ASCC3: variants seen among roughly 807,000 people sequenced by gnomAD.
ASCC3 encodes ASC-1 complex subunit P200.
A neutral mutation model predicts 256.3 loss-of-function variants in ASCC3; 158 were observed. The ratio of observed to expected loss-of-function variants is 0.62; its 90% CI spans 0.54 to 0.70. The LOEUF (loss-of-function observed/expected upper bound fraction) is 0.70, where lower values mean the gene tolerates loss of function less well. ASCC3 is among the 30% of genes least tolerant of loss of function. The pLI, the probability that ASCC3 is intolerant of heterozygous loss-of-function variation, is 0.00. For synonymous variants in ASCC3, 948 were observed against 883.4 expected (o/e 1.07, Z -1.30); for missense variants, 2,259 against 2,626.0 (o/e 0.86, Z 3.05).
At chr6:100,691,307 A>G (rs1371876475) in intron 13 of ASCC3, among the ~76,000 whole-genome samples, 1 of 152,106 alleles carries the variant, frequency 6.6e-6, no homozygotes, top group Non-Finnish European at 1.5e-5. Flanking sequence ...TAGTTTATTA[A>G]GTATAAAATT....
Position 100,606,933 on chromosome 6 carries a change from C to A in ASCC3, c.4923+18G>T, listed in dbSNP as rs777112259. The A allele has an allele frequency of 1.4e-5, 22 of 1,612,904 alleles. No individual in the cohort carries two copies. The highest frequency in any genetic ancestry group is 1.9e-5 in the Non-Finnish European group (22 of 1,179,416). On this transcript the variant is annotated intron_variant, in intron 31 of 41. Coordinates refer to ENST00000369162, the MANE Select transcript of ASCC3 (RefSeq NM_006828.4). ...TAAGTTACATTTAAATATGTGTTCACTGGAGAAAAAAAAGTACCTGAACTT... is the reference window on the plus strand; with the variant it reads ...TAAGTTACATTTAAATATGTGTTCAATGGAGAAAAAAAAGTACCTGAACTT...
chr6:100,529,157 T>C (rs1323322309), intron 37 of ASCC3, among the ~76,000 whole-genome samples: 1 of 152,174 alleles, frequency 6.6e-6, no homozygotes, highest in Non-Finnish European at 1.5e-5. Flanking sequence ...TGTGTGTGTG[T>C]GTGTATGTGT....
intron 8 of ASCC3, among the ~76,000 whole-genome samples, chr6:100,787,098 C>T (rs1003570943): frequency 5.3e-5 from 8 of 152,024 alleles, no homozygotes; most frequent in African/African-American, 1.7e-4. Flanking sequence ...ATCCTTTCCC[C>T]TCAAGCATAG....
intron 4 of ASCC3, among the ~76,000 whole-genome samples, chr6:100,817,319 A>T (rs1770801548): frequency 6.6e-6 from 1 of 151,830 alleles, no homozygotes; most frequent in Non-Finnish European, 1.5e-5. Flanking sequence ...ATGCATATAT[A>T]AAGAAAAAGT....
At chr6:100,625,421 A>G (rs1774178319) in intron 29 of ASCC3, 87 bp from the exon 30 acceptor site, 1 of 1,461,036 alleles carries the variant, frequency 6.8e-7, no homozygotes, top group African/African-American at 1.4e-5. Context: ...ATACATGAAA[A>G]CTAATGATGT....
intron 10 of ASCC3, among the ~76,000 whole-genome samples, chr6:100,731,612 A>G (rs1018572198): frequency 4.6e-5 from 7 of 152,276 alleles, no homozygotes; most frequent in Middle Eastern, 6.8e-3. Flanking sequence ...ACATGTGACT[A>G]ATTTGTGGTA....
chr6:100,717,161 C>A (rs1779124263), intron 12 of ASCC3, among the ~76,000 whole-genome samples: 1 of 151,890 alleles, frequency 6.6e-6, no homozygotes, highest in Non-Finnish European at 1.5e-5. Context: ...TCATGCAATG[C>A]AGTTACAGGA....
At position 100,859,098 on chromosome 6, in the gene ASCC3, G is replaced by T. The variant is rs1286040131; in HGVS notation, c.241+4966C>A. 7.7e-6 allele frequency: 6 copies of T among 779,226 alleles called. No homozygotes were observed. The South Asian group carries it at 8.1e-5, about 10-fold the overall frequency. The allele number at this position is 779,226 out of a possible 1,614,324, so 48.3% of individuals were successfully genotyped here. A position where few individuals can be genotyped will look rare whatever the true frequency, so the allele number is the denominator to read the frequency against. On this transcript the variant is annotated intron_variant, in intron 3 of 41. Transcript: ENST00000369162. Reference sequence around the variant, plus strand: ...TCTATTTCTTCTTTTGTCCATTTTAGTCATTTTTGTCATCTTAGTCCTCTG... The same window carrying T: ...TCTATTTCTTCTTTTGTCCATTTTATTCATTTTTGTCATCTTAGTCCTCTG...
chr6:100,867,858 T>C (rs894863957), intron 2 of ASCC3, 50 bp downstream of exon 2: 3 of 1,408,700 alleles, frequency 2.1e-6, no homozygotes, highest in Non-Finnish European at 3.0e-6. Context: ...TAGTTGTCCA[T>C]AGTCTGTGTT....
chr6:100,833,309 A>G (rs1161533494), intron 4 of ASCC3, among the ~76,000 whole-genome samples: 1 of 152,166 alleles, frequency 6.6e-6, no homozygotes, highest in Non-Finnish European at 1.5e-5. Flanking sequence ...GGAAGGGAGG[A>G]ATGAAATGGT....
intron 36 of ASCC3, among the ~76,000 whole-genome samples, chr6:100,556,315 T>C (rs1467127125): frequency 6.6e-6 from 1 of 152,156 alleles, no homozygotes; most frequent in Non-Finnish European, 1.5e-5. Context: ...AGAAATACCA[T>C]AATACAGGCA....
intron 3 of ASCC3, among the ~76,000 whole-genome samples, chr6:100,861,586 CAACTT>C (rs1453119264): frequency 6.6e-6 from 1 of 152,088 alleles, no homozygotes; most frequent in Non-Finnish European, 1.5e-5. Flanking sequence ...GACTACTACT[CAACTT>C]AAGTTTCACT....
intron 34 of ASCC3, among the ~76,000 whole-genome samples, chr6:100,594,501 C>T (rs1772177794): frequency 6.6e-6 from 1 of 152,008 alleles, no homozygotes; most frequent in South Asian, 2.1e-4. Flanking sequence ...GTGATTTTAA[C>T]ACAGACAATA....
At chr6:100,542,833 A>G (rs2114668493) in intron 36 of ASCC3, among the ~76,000 whole-genome samples, 1 of 152,212 alleles carries the variant, frequency 6.6e-6, no homozygotes, top group South Asian at 2.1e-4. Context: ...GTCATTGTTC[A>G]GGCAGAAGAC....
At chr6:100,536,485 G>T (rs957390736) in intron 37 of ASCC3, among the ~76,000 whole-genome samples, 3 of 152,098 alleles carry the variant, frequency 2.0e-5, no homozygotes, top group Non-Finnish European at 2.9e-5. Context: ...CAAGCACCCA[G>T]ATTTTCTATT....
chr6:100,535,115 T>C (rs550279361), intron 37 of ASCC3, among the ~76,000 whole-genome samples: 190 of 152,330 alleles, frequency 1.2e-3, no homozygotes, highest in African/African-American at 4.5e-3. Context: ...GACTTGCCTA[T>C]GGCCTTATAC....
intron 13 of ASCC3, among the ~76,000 whole-genome samples, chr6:100,705,667 A>C (rs1397564779): frequency 6.6e-6 from 1 of 151,934 alleles, no homozygotes; most frequent in Non-Finnish European, 1.5e-5. Flanking sequence ...GTGGGGAAGA[A>C]GGGGCAGGCA....
chr6:100,771,053 A>C (rs1392588376), intron 8 of ASCC3, among the ~76,000 whole-genome samples: 1 of 152,132 alleles, frequency 6.6e-6, no homozygotes, highest in Admixed American at 6.5e-5. Context: ...ACACTAGAGA[A>C]ATCAAAACAG....
At position 100,799,929 on chromosome 6, in the gene ASCC3, CCTTT is replaced by C. The variant is rs139089106; in HGVS notation, c.1128-361_1128-358del. On this transcript the variant is annotated intron_variant, in intron 6 of 41. Transcript: ENST00000369162. ...AATAATGCTTATATTTCATTTTTCTCCTTTCTACTTCTAAATAACAACAATTTTT... is the reference window on the plus strand; with the variant it reads ...AATAATGCTTATATTTCATTTTTCTCCTACTTCTAAATAACAACAATTTTT... 7.7e-3 allele frequency among the ~76,000 whole-genome samples: 1,176 copies of C among 151,992 alleles called. 9 individuals are homozygous for C. The highest frequency in any genetic ancestry group is 0.012 in the Non-Finnish European group (824 of 67,924).
Sources: allele counts gnomAD v4.1 joint callset (sites outside exome capture counted in the v4.1 genomes callset), GRCh38; gene constraint gnomAD v4.1.1; transcripts MANE v1.5; gene names NCBI Gene and HGNC (gene_info 2026-07-23, HGNC 2026-07-21).